NPHS2: variants seen among roughly 807,000 people sequenced by gnomAD.
NPHS2 encodes NPHS2 stomatin family member, podocin, also known as podocin.
A neutral mutation model predicts 37.1 loss-of-function variants in NPHS2; 36 were observed. The ratio of observed to expected loss-of-function variants is 0.97; its 90% CI spans 0.74 to 1.28. The LOEUF (loss-of-function observed/expected upper bound fraction) is 1.28, where lower values mean the gene tolerates loss of function less well. Ranked by LOEUF, NPHS2 falls within the 50% of genes most tolerant of loss-of-function variation. NPHS2 has a pLI of 0.00. For missense variants in NPHS2, 447 were observed against 488.1 expected (o/e 0.92, Z 0.79); for synonymous variants, 196 against 189.3 (o/e 1.04, Z -0.29).
Position 179,557,243 on chromosome 1 carries a change from A to G in NPHS2, c.535-13T>C. On this transcript the variant is annotated splice_polypyrimidine_tract_variant and intron_variant, in intron 4 of 7. Transcript: ENST00000367615. ...CTTTGGTCACGATCTAGGCAGAAAAAAGTTTGGATGACAGGCTTGATTCTT... is the reference window on the plus strand; with the variant it reads ...CTTTGGTCACGATCTAGGCAGAAAAGAGTTTGGATGACAGGCTTGATTCTT... 1.2e-6 allele frequency: 2 copies of G among 1,611,196 alleles called. No individual in the cohort carries two copies. The highest frequency in any genetic ancestry group is 4.5e-5 in the East Asian group (2 of 44,842).
chr1:179,560,853 G>GT (rs1674110619), intron 3 of NPHS2, among the ~76,000 whole-genome samples: 1 of 152,162 alleles, frequency 6.6e-6, no homozygotes, highest in African/African-American at 2.4e-5. Context: ...CTTAATCTAT[G>GT]TTTTTTAAAT....
intron 6 of NPHS2, among the ~76,000 whole-genome samples, chr1:179,553,218 A>G (rs1430320236): frequency 6.6e-6 from 1 of 152,246 alleles, no homozygotes; most frequent in Non-Finnish European, 1.5e-5. Flanking sequence ...AAAAAGTTAA[A>G]TACGGAGTTA....
rs553680652 is a variant in NPHS2 at position 179,561,782 on chromosome 1, T to C, written c.379-421A>G. On this transcript the variant is annotated intron_variant, in intron 2 of 7. Coordinates refer to ENST00000367615, the MANE Select transcript of NPHS2 (RefSeq NM_014625.4). ...TTTTGTTTCAGAGTGCAATTTCTTCTGAGGCTGCTTCAAAATGATTCAATT... is the reference window on the plus strand; with the variant it reads ...TTTTGTTTCAGAGTGCAATTTCTTCCGAGGCTGCTTCAAAATGATTCAATT... Among the ~76,000 whole-genome samples, 4 of 152,298 alleles carry C rather than the reference T, an allele frequency of 2.6e-5. No individual in the cohort carries two copies. In the East Asian group the frequency reaches 5.8e-4, roughly 22 times the overall value.
Position 179,575,551 on chromosome 1 carries a change from C to T in NPHS2, c.274+40G>A, listed in dbSNP as rs765047860. ...CACCTTATCTGACGCCCCTTAGTTA[C>T]CACCTGGAAAAGTAGCAGATAGTGG... On this transcript the variant is annotated intron_variant, in intron 1 of 7. Transcript: ENST00000367615. 66 of 1,598,964 alleles carry T rather than the reference C, an allele frequency of 4.1e-5. No homozygotes were observed. The Admixed American group carries it at 1.1e-3, about 25-fold the overall frequency.
chr1:179,564,807 A>C lies in NPHS2; in HGVS notation c.275-14T>G, dbSNP rs767000869. On this transcript the variant is annotated splice_polypyrimidine_tract_variant and intron_variant, in intron 1 of 7. Coordinates refer to ENST00000367615, the MANE Select transcript of NPHS2 (RefSeq NM_014625.4). ...AGGATTTGGTACCTTAAAAAAATTAAAGCAAAAGAATAATTATATTGAAAC... is the reference window on the plus strand; with the variant it reads ...AGGATTTGGTACCTTAAAAAAATTACAGCAAAAGAATAATTATATTGAAAC... 1 of 1,594,318 alleles carries C rather than the reference A, an allele frequency of 6.3e-7. No homozygotes were observed. The highest frequency in any genetic ancestry group is 8.6e-7 in the Non-Finnish European group (1 of 1,162,430).
chr1:179,553,906 T>C (rs12760325), intron 6 of NPHS2, among the ~76,000 whole-genome samples: 30,083 of 139,000 alleles, frequency 0.22, 3,682 homozygotes, highest in Non-Finnish European at 0.28. Context: ...CCAACACCCC[T>C]GGCTAATTTT....
At chr1:179,554,751 T>C (rs1385444420) in intron 5 of NPHS2, 8 of 621,140 alleles carry the variant, frequency 1.3e-5, no homozygotes, top group Non-Finnish European at 1.4e-5. Context: ...TGTGGTATGC[T>C]GAATAATGGT....
intron 1 of NPHS2, among the ~76,000 whole-genome samples, chr1:179,574,491 A>G (rs1674680849): frequency 6.6e-6 from 1 of 152,196 alleles, no homozygotes; most frequent in Admixed American, 6.5e-5. Flanking sequence ...CCTCACAGTT[A>G]CAAGCCCTCT....
intron 1 of NPHS2, among the ~76,000 whole-genome samples, chr1:179,571,373 T>C (rs1013936588): frequency 6.6e-6 from 1 of 152,208 alleles, no homozygotes; most frequent in South Asian, 2.1e-4. Flanking sequence ...CAGACCCCGT[T>C]TGCCTGGGTA....
At chr1:179,565,307 A>G (rs1014871150) in intron 1 of NPHS2, among the ~76,000 whole-genome samples, 1 of 152,096 alleles carries the variant, frequency 6.6e-6, no homozygotes, top group Non-Finnish European at 1.5e-5. Context: ...GAGTGGGGGT[A>G]TACTGGAACA....
At chr1:179,572,774 C>T in intron 1 of NPHS2, among the ~76,000 whole-genome samples, 1 of 151,748 alleles carries the variant, frequency 6.6e-6, no homozygotes, top group Middle Eastern at 3.2e-3. Flanking sequence ...TTCCTTCCTT[C>T]CCTTCCTCCC....
intron 1 of NPHS2, among the ~76,000 whole-genome samples, chr1:179,574,606 T>C (rs1354478586): frequency 1.3e-5 from 2 of 152,194 alleles, no homozygotes; most frequent in East Asian, 3.8e-4. Context: ...CCATTTAAAT[T>C]ATACCCCAAC....
At chr1:179,558,770 A>T (rs1453258746) in intron 4 of NPHS2, among the ~76,000 whole-genome samples, 1 of 152,202 alleles carries the variant, frequency 6.6e-6, no homozygotes, top group African/African-American at 2.4e-5. Context: ...TTTTAAAAAA[A>T]CAGTAGCCAT....
At chr1:179,552,462 G>C (rs2125770666) in intron 7 of NPHS2, 141 bp downstream of exon 7, 2 of 711,866 alleles carry the variant, frequency 2.8e-6, no homozygotes, top group South Asian at 3.0e-5. Context: ...CTTTAAGAGA[G>C]CAATTTTAAT....
Position 179,556,934 on chromosome 1 carries a change from G to T in NPHS2, c.738+93C>A. 8.1e-7 allele frequency: 1 copy of T among 1,241,492 alleles called. No homozygotes were observed. The highest frequency in any genetic ancestry group is 1.3e-5 in the South Asian group (1 of 77,228). 76.9% of individuals were successfully genotyped at this position (1,241,492 alleles called of 1,614,324 possible). A position where few individuals can be genotyped will look rare whatever the true frequency, so the allele number is the denominator to read the frequency against. The stretch of plus-strand genomic sequence containing the variant: ...CCAAAGGGATGGCCCCTAAGGGATG[G>T]AACTGGCCATAGAAGATTTAATAAA... On this transcript the variant is annotated intron_variant, in intron 5 of 7. Transcript: ENST00000367615. The surrounding 1 kb of genome is among the most constrained non-coding windows in gnomAD (Gnocchi z 4.1).
intron 1 of NPHS2, among the ~76,000 whole-genome samples, chr1:179,567,033 G>A (rs1050116394): frequency 4.6e-5 from 7 of 152,166 alleles, no homozygotes; most frequent in African/African-American, 1.7e-4. Context: ...GCTTAGGATT[G>A]TCTTGACAAT....
intron 3 of NPHS2, among the ~76,000 whole-genome samples, chr1:179,560,276 T>C (rs2125786974): frequency 6.6e-6 from 1 of 152,272 alleles, no homozygotes; most frequent in South Asian, 2.1e-4. Context: ...GGCTAGTTAG[T>C]CCTCACCCAC....
At chr1:179,558,245 C>T (rs891787290) in intron 4 of NPHS2, among the ~76,000 whole-genome samples, 1 of 89,728 alleles carries the variant, frequency 1.1e-5, no homozygotes, top group Admixed American at 1.2e-4. Context: ...ATTTCTCCTT[C>T]TCTCAACCCC....
chr1:179,555,225 T>C (rs1231229264), intron 5 of NPHS2, among the ~76,000 whole-genome samples: 2 of 152,244 alleles, frequency 1.3e-5, no homozygotes, highest in African/African-American at 4.8e-5. Flanking sequence ...ACAGAAGTAA[T>C]AGGAACTAAT....
Sources: allele counts gnomAD v4.1 joint callset (sites outside exome capture counted in the v4.1 genomes callset), GRCh38; gene constraint gnomAD v4.1.1; non-coding constraint Gnocchi (gnomAD v3.1); transcripts MANE v1.5; gene names NCBI Gene and HGNC (gene_info 2026-07-23, HGNC 2026-07-21).